ADAMTSL3: variants seen among roughly 807,000 people sequenced by gnomAD.
ADAMTSL3 encodes ADAMTS like 3, also known as ADAMTS-like protein 3.
ADAMTSL3 carries 128 observed loss-of-function variants against 201.7 expected under a neutral mutation model. The observed-to-expected ratio is 0.63, with a 90% CI of 0.55 to 0.73. The LOEUF is 0.73. ADAMTSL3 is among the 30% of genes least tolerant of loss of function. The pLI, the probability that ADAMTSL3 is intolerant of heterozygous loss-of-function variation, is 0.00. For synonymous variants in ADAMTSL3, 738 were observed against 748.4 expected, an observed-to-expected ratio of 0.99 and a Z score of 0.23; for missense variants, 1,990 against 2,119.6, an observed-to-expected ratio of 0.94 and a Z score of 1.20.
At chr15:83,717,004 A>G (rs1424371394) in intron 3 of ADAMTSL3, among the ~76,000 whole-genome samples, 1 of 152,244 alleles carries the variant, frequency 6.6e-6, no homozygotes. Context: ...ATTAAGACAT[A>G]TATTTATCAA....
chr15:84,014,580 G>A lies in ADAMTSL3; in HGVS notation c.4012G>A (p.Gly1338Arg). Residue 1338 changes from glycine to arginine, a missense_variant, in exon 24 of 30, where the codon GGA becomes AGA. By Grantham distance (125) the Gly-to-Arg change is moderately radical (BLOSUM62 -2). Transcript: ENST00000286744. ...TAATATAACTTGGTTGAAGAGAGGA[G>A]GATCTCTGAGTGGCAATGTTTCCTT... is the stretch of plus-strand genomic sequence containing the variant. ...QPNITWLKRG[G>R]SLSGNVSLLF... 2.5e-6 allele frequency: 4 copies of A among 1,614,098 alleles called. No homozygotes were observed. Among genetic ancestry groups the A allele is most frequent in the Non-Finnish European group, 3.4e-6 (4 of 1,179,992 alleles).
At chr15:83,818,228 T>A (rs970447320) in intron 5 of ADAMTSL3, among the ~76,000 whole-genome samples, 2 of 152,240 alleles carry the variant, frequency 1.3e-5, no homozygotes, top group Non-Finnish European at 2.9e-5. Flanking sequence ...ATGTTATTTA[T>A]TCTTTTGTTG....
chr15:83,748,239 A>G (rs559512551), intron 3 of ADAMTSL3, among the ~76,000 whole-genome samples: 1 of 152,178 alleles, frequency 6.6e-6, no homozygotes, highest in Non-Finnish European at 1.5e-5. Context: ...GAAGAATGAC[A>G]TATTAGTTGA....
chr15:83,963,341 C>A (rs1415514839), intron 19 of ADAMTSL3, among the ~76,000 whole-genome samples: 1 of 152,190 alleles, frequency 6.6e-6, no homozygotes, highest in East Asian at 1.9e-4. Context: ...TCCACCATTA[C>A]TGAGGCTTGA....
intron 23 of ADAMTSL3, among the ~76,000 whole-genome samples, chr15:84,007,946 T>C (rs1349650291): frequency 1.3e-5 from 2 of 152,216 alleles, no homozygotes; most frequent in African/African-American, 4.8e-5. Flanking sequence ...TATAGCAAAG[T>C]GCCTCAAGAG....
At chr15:84,028,980 T>A (rs1484473573) in intron 27 of ADAMTSL3, among the ~76,000 whole-genome samples, 1 of 152,234 alleles carries the variant, frequency 6.6e-6, no homozygotes, top group Non-Finnish European at 1.5e-5. Flanking sequence ...CCATCATGAT[T>A]TTAAGTTTCC....
chr15:83,979,442 C>G (rs533147479), intron 20 of ADAMTSL3, among the ~76,000 whole-genome samples: 1 of 152,256 alleles, frequency 6.6e-6, no homozygotes, highest in East Asian at 1.9e-4. Context: ...TTACAATAGG[C>G]TACTTCTAAG....
intron 20 of ADAMTSL3, 90 bp from the exon 21 acceptor site, chr15:83,982,183 G>T (rs1258735810): frequency 3.1e-6 from 3 of 969,906 alleles, no homozygotes; most frequent in Non-Finnish European, 3.0e-6. Flanking sequence ...TTGTTAGCCT[G>T]TATCAGCCTT....
intron 21 of ADAMTSL3, among the ~76,000 whole-genome samples, chr15:83,986,284 A>G (rs1213935567): frequency 6.6e-6 from 1 of 152,174 alleles, no homozygotes; most frequent in Admixed American, 6.5e-5. Flanking sequence ...CTATGGCCAT[A>G]TAAGTACTAC....
chr15:83,744,891 G>A (rs1350418313), intron 3 of ADAMTSL3, among the ~76,000 whole-genome samples: 2 of 152,200 alleles, frequency 1.3e-5, no homozygotes, highest in Admixed American at 1.3e-4. Flanking sequence ...GATGGGGACA[G>A]GAAGCAGGGA....
chr15:83,731,891 G>A (rs1038012171), intron 3 of ADAMTSL3, among the ~76,000 whole-genome samples: 10 of 151,898 alleles, frequency 6.6e-5, no homozygotes, highest in Non-Finnish European at 1.0e-4. Context: ...AGATTATATA[G>A]CAACAGAGAG....
At chr15:83,666,190 A>G (rs1289147374) in intron 2 of ADAMTSL3, among the ~76,000 whole-genome samples, 2 of 152,136 alleles carry the variant, frequency 1.3e-5, no homozygotes, top group Non-Finnish European at 2.9e-5. Context: ...TATGAGGAGT[A>G]TTTTCTACAT....
chr15:83,833,077 T>A (rs1346312630), intron 6 of ADAMTSL3, among the ~76,000 whole-genome samples: 3 of 152,218 alleles, frequency 2.0e-5, no homozygotes, highest in Non-Finnish European at 4.4e-5. Context: ...TCCTTTACTG[T>A]TAGCTCATCA....
rs574175062 is a variant in ADAMTSL3 at position 83,662,381 on chromosome 15, C to T, written c.69+6551C>T. On this transcript the variant is annotated intron_variant, in intron 2 of 29. Transcript: ENST00000286744. Reference sequence around the variant, plus strand: ...AGGTGGGAATTGAACAGTGAGATCACATGGACACAGGAAGGGGAATATCAC... The same window carrying T: ...AGGTGGGAATTGAACAGTGAGATCATATGGACACAGGAAGGGGAATATCAC... Among the ~76,000 whole-genome samples, 9 of 131,768 alleles carry T rather than the reference C, an allele frequency of 6.8e-5. No homozygotes were observed. The South Asian group carries it at 7.3e-4, about 11-fold the overall frequency. 86.4% of individuals were successfully genotyped at this position (131,768 alleles called of 152,430 possible).
chr15:83,905,138 G>A (rs937817266), intron 15 of ADAMTSL3, among the ~76,000 whole-genome samples: 1 of 152,182 alleles, frequency 6.6e-6, no homozygotes, highest in African/African-American at 2.4e-5. Flanking sequence ...TGATTCTATG[G>A]CACGTAAGAC....
At chr15:83,855,020 T>C (rs2064701766) in intron 7 of ADAMTSL3, among the ~76,000 whole-genome samples, 1 of 152,122 alleles carries the variant, frequency 6.6e-6, no homozygotes, top group African/African-American at 2.4e-5. Flanking sequence ...TTATTTTTAG[T>C]GGACTTTGTG....
At chr15:83,882,600 G>A (rs2141860566) in intron 9 of ADAMTSL3, among the ~76,000 whole-genome samples, 1 of 151,570 alleles carries the variant, frequency 6.6e-6, no homozygotes, top group South Asian at 2.1e-4. Flanking sequence ...CAATCTTTTT[G>A]TGTCGGAAAA....
At chr15:83,657,086 C>G (rs539643101) in intron 2 of ADAMTSL3, among the ~76,000 whole-genome samples, 1 of 152,276 alleles carries the variant, frequency 6.6e-6, no homozygotes, top group East Asian at 1.9e-4. Flanking sequence ...TGTTAGGGTT[C>G]TCTGGCCAGC....
chr15:83,915,438 C>T (rs902107602), intron 16 of ADAMTSL3, among the ~76,000 whole-genome samples: 4 of 151,986 alleles, frequency 2.6e-5, no homozygotes, highest in African/African-American at 4.8e-5. Context: ...TTCTCAGTAC[C>T]CACTGAGATG....
Sources: allele counts gnomAD v4.1 joint callset (sites outside exome capture counted in the v4.1 genomes callset), GRCh38; gene constraint gnomAD v4.1.1; transcripts MANE v1.5; gene names NCBI Gene and HGNC (gene_info 2026-07-23, HGNC 2026-07-21).